Variants in C10orf71 observed in about 807,000 individuals in gnomAD.
C10orf71 encodes the protein chromosome 10 open reading frame 71, also known as cardiac-enriched FHL2-interacting protein.
For missense variants in C10orf71, 1,869 were observed against 1,804.5 expected (o/e 1.04, Z -0.65); for synonymous variants, 758 against 726.3 (o/e 1.04, Z -0.70).
intron 1 of C10orf71, among the ~76,000 whole-genome samples, chr10:49,306,551 C>A (rs1848816725): frequency 6.6e-6 from 1 of 152,158 alleles, no homozygotes; most frequent in Admixed American, 6.5e-5. Flanking sequence ...TGAGTGAAGG[C>A]AGGAAGAGCC....
In C10orf71 at chr10:49,326,175, C is replaced by A. The variant is rs1290106465; in HGVS notation, c.3630C>A (p.Cys1210Ter). The A allele has an allele frequency of 3.2e-6, 5 of 1,551,598 alleles. No homozygotes were observed. The highest frequency in any genetic ancestry group is 2.6e-6 in the Non-Finnish European group (3 of 1,146,982). Reference protein sequence around the residue: ...KHGESQEGKPCPEDLEQTQQR... With the variant: ...KHGESQEGKP ...GCGAGTCACAGGAGGGAAAGCCCTG[C>A]CCGGAGGACTTGGAGCAGACACAGC... The change falls in exon 3 of 3, where the codon TGC becomes TGA. Residue 1210 changes from cysteine (C) to a stop codon, truncating the protein, a stop_gained. Coordinates refer to ENST00000374144, the MANE Select transcript of C10orf71 (RefSeq NM_001135196.2). LOFTEE classifies it low-confidence loss of function (END_TRUNC).
At chr10:49,301,122 C>A (rs1848721671) in intron 1 of C10orf71, among the ~76,000 whole-genome samples, 1 of 152,168 alleles carries the variant, frequency 6.6e-6, no homozygotes, top group Non-Finnish European at 1.5e-5. Flanking sequence ...CCCAAGCCTG[C>A]TGGTGGCACC....
chr10:49,317,271 T>C (rs1382201109), intron 2 of C10orf71, among the ~76,000 whole-genome samples: 1 of 152,142 alleles, frequency 6.6e-6, no homozygotes, highest in Non-Finnish European at 1.5e-5. Flanking sequence ...AGTGGGATGG[T>C]GCTGCCGTGG....
chr10:49,326,059 G>A lies in C10orf71; in HGVS notation c.3514G>A (p.Ala1172Thr). 6.4e-7 allele frequency: 1 copy of A among 1,551,712 alleles called. No homozygotes were observed. The highest frequency in any genetic ancestry group is 2.0e-5 in the Admixed American group (1 of 51,002). The change falls in exon 3 of 3, where the codon GCA (alanine) becomes ACA (threonine). Residue 1172 changes from alanine (A) to threonine (T), a missense_variant. By Grantham distance (58) the Ala-to-Thr change is moderately conservative. Transcript: ENST00000374144. ...AGAGAGGACAGCAAGCAAGCCACCTGCAGTCCCACCCAAAACAGAGAAAGC... is the reference window on the plus strand; with the variant it reads ...AGAGAGGACAGCAAGCAAGCCACCTACAGTCCCACCCAAAACAGAGAAAGC... ...QLERTASKPP[A>T]VPPKTEKALR...
Position 49,318,260 on chromosome 10 carries a change from T to C in C10orf71, c.-145+2013T>C, listed in dbSNP as rs1438782273. ...GCTTCCATCCCTGTGACCACAGCCA[T>C]GTCCTCTGGCCATGCTAGCTGCATG... On this transcript the variant is annotated intron_variant, in intron 2 of 2. Transcript: ENST00000374144. 7.2e-5 allele frequency among the ~76,000 whole-genome samples: 11 copies of C among 152,246 alleles called. No homozygotes were observed. The South Asian group carries it at 8.3e-4, about 11-fold the overall frequency.
At position 49,326,897 on chromosome 10, in the gene C10orf71, C is replaced by T; in HGVS notation, c.*44C>T. ...CCACCCCCAGATGAACCCAGAGGAG[C>T]TTACTTCCCCCTCCCCCAAAACAAG... On this transcript the variant is annotated 3_prime_UTR_variant, in exon 3 of 3. Transcript: ENST00000374144. 1 of 1,452,854 alleles carries T rather than the reference C, an allele frequency of 6.9e-7. No individual in the cohort carries two copies. The highest frequency in any genetic ancestry group is 1.3e-5 in the South Asian group (1 of 79,042). The allele number at this position is 1,452,854 out of a possible 1,614,324, so 90.0% of individuals were successfully genotyped here. A position where few individuals can be genotyped will look rare whatever the true frequency, so the allele number is the denominator to read the frequency against.
At chr10:49,314,905 C>T (rs1848973905) in intron 1 of C10orf71, among the ~76,000 whole-genome samples, 2 of 152,210 alleles carry the variant, frequency 1.3e-5, no homozygotes, top group African/African-American at 4.8e-5. Context: ...TTACCACAAA[C>T]AGTGACTGAG....
In C10orf71 at chr10:49,325,271, A is replaced by G. The variant is rs1443906247; in HGVS notation, c.2726A>G (p.Glu909Gly). The G allele has an allele frequency of 3.2e-6, 5 of 1,551,632 alleles. No homozygotes were observed. Among genetic ancestry groups the G allele is most frequent in the Admixed American group, 3.9e-5 (2 of 50,974 alleles). The change falls in exon 3 of 3, where the codon GAA becomes GGA. Residue 909 changes from glutamate to glycine, a missense_variant. Transcript: ENST00000374144. ...WGEDPGFCAP[E>G]NQDILGTSTP... ...GAGGATCCTGGGTTTTGTGCCCCCG[A>G]AAACCAGGACATTCTTGGTACATCG...
chr10:49,309,899 T>C (rs1235149160), intron 1 of C10orf71, among the ~76,000 whole-genome samples: 2 of 152,346 alleles, frequency 1.3e-5, no homozygotes, highest in Non-Finnish European at 2.9e-5. Context: ...AGCCAACCCC[T>C]GCCATCTCCA....
Position 49,324,066 on chromosome 10 carries a change from G to A in C10orf71, c.1521G>A (p.Arg507=), listed in dbSNP as rs1467154404. Reference sequence around the variant, plus strand: ...TGCTGTTCAACCTCAAGGACGTGCGGAAGCGTGTTAAGAGCACATACAGTT... The same window carrying A: ...TGCTGTTCAACCTCAAGGACGTGCGAAAGCGTGTTAAGAGCACATACAGTT... ...PSLLFNLKDV[R]KRVKSTYSSS... Residue 507 remains arginine, a synonymous_variant, in exon 3 of 3, where the codon CGG becomes CGA. Coordinates refer to ENST00000374144, the MANE Select transcript of C10orf71 (RefSeq NM_001135196.2). The A allele has an allele frequency of 1.2e-6, 2 of 1,613,988 alleles. No homozygotes were observed. The highest frequency in any genetic ancestry group is 2.2e-5 in the South Asian group (2 of 91,076).
chr10:49,305,832 G>C (rs1189386985), intron 1 of C10orf71, among the ~76,000 whole-genome samples: 5 of 152,166 alleles, frequency 3.3e-5, no homozygotes, highest in Admixed American at 3.3e-4. Context: ...GTCTCAGAGA[G>C]TTTTTTTTAA....
intron 1 of C10orf71, among the ~76,000 whole-genome samples, chr10:49,304,585 C>A (rs1848781890): frequency 6.6e-6 from 1 of 152,194 alleles, no homozygotes; most frequent in African/African-American, 2.4e-5. Context: ...TATGGAGAAC[C>A]TGGTCTATAG....
chr10:49,321,251 A>G (rs1849089578), intron 2 of C10orf71, among the ~76,000 whole-genome samples: 1 of 150,744 alleles, frequency 6.6e-6, no homozygotes, highest in Non-Finnish European at 1.5e-5. Context: ...GACAACCCCC[A>G]CTCTACTCTG....
At chr10:49,302,964 G>A (rs993716481) in intron 1 of C10orf71, among the ~76,000 whole-genome samples, 4 of 152,196 alleles carry the variant, frequency 2.6e-5, no homozygotes, top group East Asian at 1.9e-4. Flanking sequence ...AATAATAACA[G>A]CTCCCACATT....
At chr10:49,311,060 C>G (rs1346485741) in intron 1 of C10orf71, among the ~76,000 whole-genome samples, 1 of 152,096 alleles carries the variant, frequency 6.6e-6, no homozygotes, top group Non-Finnish European at 1.5e-5. Context: ...CCAGGACCAC[C>G]AAGACCCGGC....
chr10:49,305,362 C>A (rs1303873614), intron 1 of C10orf71, among the ~76,000 whole-genome samples: 2 of 152,140 alleles, frequency 1.3e-5, no homozygotes, highest in East Asian at 3.8e-4. Flanking sequence ...TAGGTTCCAG[C>A]CCCACACCAC....
chr10:49,310,776 A>AGATGATGAT (rs10661682), intron 1 of C10orf71, among the ~76,000 whole-genome samples: 7 of 148,906 alleles, frequency 4.7e-5, no homozygotes, highest in East Asian at 2.0e-4. Flanking sequence ...TCAGGTAGCC[A>AGATGATGAT]GATGATGATG....
chr10:49,307,885 G>C (rs993323085), intron 1 of C10orf71, among the ~76,000 whole-genome samples: 1 of 152,130 alleles, frequency 6.6e-6, no homozygotes, highest in African/African-American at 2.4e-5. Flanking sequence ...CCCTCCCTGG[G>C]TCTGTGATGC....
chr10:49,304,041 A>T (rs756679302), intron 1 of C10orf71, among the ~76,000 whole-genome samples: 12 of 152,222 alleles, frequency 7.9e-5, no homozygotes, highest in Non-Finnish European at 1.5e-4. Context: ...CTTATCCCAG[A>T]TGCACACAGC....
Sources: allele counts gnomAD v4.1 joint callset (sites outside exome capture counted in the v4.1 genomes callset), GRCh38; gene constraint gnomAD v4.1.1; transcripts MANE v1.5; gene names NCBI Gene and HGNC (gene_info 2026-07-23, HGNC 2026-07-21).